Variants in SGCD observed in about 807,000 individuals in gnomAD.
The protein encoded by SGCD is delta-sarcoglycan.
Under a neutral mutation model 36.6 loss-of-function variants are expected in SGCD, and 18 were observed. That is an observed-to-expected ratio of 0.49 (90% CI 0.34 to 0.73). The LOEUF (loss-of-function observed/expected upper bound fraction) is 0.73. Ranked by LOEUF, SGCD falls within the 30% of genes least tolerant of loss-of-function variation. The probability of loss-of-function intolerance (pLI) is 0.01; values close to 1 mark genes in which losing one functional copy is unlikely to be tolerated. For missense variants in SGCD, 387 were observed against 346.7 expected, an observed-to-expected ratio of 1.12 and a Z score of -0.92; for synonymous variants, 133 against 130.6, an observed-to-expected ratio of 1.02 and a Z score of -0.12.
intron 3 of SGCD, among the ~76,000 whole-genome samples, chr5:156,275,173 G>A (rs1766283707): frequency 6.6e-6 from 1 of 152,114 alleles, no homozygotes; most frequent in South Asian, 2.1e-4. Flanking sequence ...GATTGAGGGA[G>A]AATAGGAAAA....
chr5:156,022,344 C>T (rs1759124255), intron 1 of SGCD, among the ~76,000 whole-genome samples: 1 of 152,162 alleles, frequency 6.6e-6, no homozygotes, highest in Non-Finnish European at 1.5e-5. Flanking sequence ...ACCTTTAAAA[C>T]AGTAGAAATG....
At chr5:156,114,009 A>T (rs1451033838) in intron 1 of SGCD, among the ~76,000 whole-genome samples, 1 of 152,134 alleles carries the variant, frequency 6.6e-6, no homozygotes, top group Non-Finnish European at 1.5e-5. Flanking sequence ...AGGGAGGGAT[A>T]AATAGATGGA....
At chr5:156,534,176 C>CTT (rs34930090) in intron 4 of SGCD, among the ~76,000 whole-genome samples, 45,002 of 145,236 alleles carry the variant, frequency 0.31, 7,107 homozygotes, top group African/African-American at 0.37. Flanking sequence ...GGACATCATT[C>CTT]TTTTTTTTTT....
chr5:156,307,558 T>C (rs59419084), intron 3 of SGCD, among the ~76,000 whole-genome samples: 1 of 87,020 alleles, frequency 1.1e-5, no homozygotes, highest in Non-Finnish European at 2.2e-5. Flanking sequence ...AACTGTTGTT[T>C]TTTTTTTTTT....
intron 3 of SGCD, among the ~76,000 whole-genome samples, chr5:156,472,393 G>A (rs575926932): frequency 6.6e-6 from 1 of 152,054 alleles, no homozygotes; most frequent in Non-Finnish European, 1.5e-5. Context: ...AAAAAATAAA[G>A]AACTAATATA....
At chr5:156,179,915 C>T (rs890115751) in intron 3 of SGCD, among the ~76,000 whole-genome samples, 1 of 152,154 alleles carries the variant, frequency 6.6e-6, no homozygotes, top group Non-Finnish European at 1.5e-5. Context: ...TGAGCCACAG[C>T]ACCTGGACCC....
chr5:155,925,474 G>A (rs960225692), intron 1 of SGCD, among the ~76,000 whole-genome samples: 2 of 152,136 alleles, frequency 1.3e-5, no homozygotes, highest in Non-Finnish European at 1.5e-5. Context: ...TTCTGTGGTC[G>A]TCATCAATCC....
At chr5:155,954,153 G>A (rs979488182) in intron 1 of SGCD, among the ~76,000 whole-genome samples, 2 of 152,090 alleles carry the variant, frequency 1.3e-5, no homozygotes, top group African/African-American at 4.8e-5. Context: ...AAGACCTTCT[G>A]TACTGTTTTT....
intron 6 of SGCD, among the ~76,000 whole-genome samples, chr5:156,640,981 A>T (rs1056898893): frequency 6.6e-6 from 1 of 152,330 alleles, no homozygotes; most frequent in African/African-American, 2.4e-5. Context: ...TCAGAAGCTG[A>T]CAGCCACCTT....
intron 7 of SGCD, among the ~76,000 whole-genome samples, chr5:156,678,109 A>G (rs1342824346): frequency 6.6e-6 from 1 of 152,168 alleles, no homozygotes; most frequent in African/African-American, 2.4e-5. Flanking sequence ...TAGGAGTGTG[A>G]CCTAGACATC....
At chr5:156,502,571 G>C (rs77860934) in intron 3 of SGCD, among the ~76,000 whole-genome samples, 3,136 of 152,190 alleles carry the variant, frequency 0.021, 32 homozygotes, top group Non-Finnish European at 0.031. Flanking sequence ...CTTGCCTCAA[G>C]AAATCTTCCT....
upstream of SGCD, among the ~76,000 whole-genome samples, chr5:156,322,062 CA>C (rs1767686375): frequency 6.6e-6 from 1 of 152,148 alleles, no homozygotes; most frequent in Non-Finnish European, 1.5e-5. Context: ...CCCTCCACCC[CA>C]AGTCAGTGGC....
intron 1 of SGCD, among the ~76,000 whole-genome samples, chr5:156,010,912 A>G (rs1351114652): frequency 6.6e-6 from 1 of 152,184 alleles, no homozygotes; most frequent in African/African-American, 2.4e-5. Context: ...ATATATTGTT[A>G]TGGCTTGTTT....
intron 3 of SGCD, among the ~76,000 whole-genome samples, chr5:156,195,034 A>C (rs1318649021): frequency 6.6e-6 from 1 of 152,214 alleles, no homozygotes; most frequent in East Asian, 1.9e-4. Context: ...TCACAGAAAC[A>C]GACTAAGAAA....
chr5:156,739,642 G>A (rs933038971), intron 7 of SGCD: 6 of 152,124 alleles, frequency 3.9e-5, no homozygotes, highest in Admixed American at 1.3e-4. Context: ...TTTATAAACT[G>A]TGTGTATTTA....
intron 7 of SGCD, among the ~76,000 whole-genome samples, chr5:156,671,272 C>CTTTT (rs35299523): frequency 9.6e-6 from 1 of 104,422 alleles, no homozygotes; most frequent in African/African-American, 3.3e-5. Context: ...TCTATTGATT[C>CTTTT]TTTTTTTTTT....
chr5:156,260,931 G>A (rs1765844368), intron 3 of SGCD, among the ~76,000 whole-genome samples: 1 of 152,078 alleles, frequency 6.6e-6, no homozygotes, highest in African/African-American at 2.4e-5. Flanking sequence ...AGGTGGTTAT[G>A]CTATTCTTCA....
rs200670993 is a variant in SGCD at position 156,344,608 on chromosome 5, C to T, written c.123C>T (p.Leu41=). 1 of 1,611,958 alleles carries T rather than the reference C, an allele frequency of 6.2e-7. No homozygotes were observed. The highest frequency in any genetic ancestry group is 1.3e-5 in the African/African-American group (1 of 74,770). The change falls in exon 3 of 9, where the codon CTC becomes CTT. Residue 41 remains leucine (L), a synonymous_variant. Coordinates refer to ENST00000337851, the MANE Select transcript of SGCD (RefSeq NM_000337.6). ...GATGCCTGTATTTCTTTGTCCTGCT[C>T]CTCATGATTTTAATACTGGTGAACT... The part of the protein sequence containing the change: ...RKRCLYFFVL[L]LMILILVNLA...
the SGCD span, among the ~76,000 whole-genome samples, chr5:155,849,464 A>T: frequency 1.3e-5 from 2 of 151,858 alleles, no homozygotes; most frequent in East Asian, 3.9e-4. Flanking sequence ...ACACACACAC[A>T]TTTTAACTAT....
Sources: gnomAD v4.1 joint callset for allele counts (sites outside exome capture counted in the v4.1 genomes callset) on GRCh38, gnomAD v4.1.1 for gene constraint, MANE v1.5 for transcripts, NCBI Gene and HGNC (gene_info 2026-07-23, HGNC 2026-07-21) for gene names.